Variants in FZD3 observed in about 807,000 individuals in gnomAD.
FZD3 encodes the protein frizzled-3.
A neutral mutation model predicts 60.7 loss-of-function variants in FZD3; 30 were observed. The ratio of observed to expected loss-of-function variants is 0.49; its 90% confidence interval spans 0.37 to 0.67. FZD3 has a LOEUF of 0.67. Ranked by LOEUF, FZD3 falls within the 30% of genes least tolerant of loss-of-function variation. The pLI is 0.00. For synonymous variants in FZD3, 246 were observed against 275.2 expected, an observed-to-expected ratio of 0.89 and a Z score of 1.05; for missense variants, 605 against 838.7, an observed-to-expected ratio of 0.72 and a Z score of 3.44.
At chr8:28,558,415 A>C (rs1418786973) in intron 7 of FZD3, among the ~76,000 whole-genome samples, 1 of 145,340 alleles carries the variant, frequency 6.9e-6, no homozygotes, top group South Asian at 2.2e-4. Flanking sequence ...TCCTTTCTTT[A>C]TTTCTTTCTT....
Position 28,567,392 on chromosome 8 carries a change from ACCTCAG to A in FZD3, c.*4386_*4391del, listed in dbSNP as rs1805723979. 1 of 152,086 alleles carries A rather than the reference ACCTCAG, an allele frequency of 6.6e-6. No homozygotes were observed. The highest frequency in any genetic ancestry group is 1.5e-5 in the Non-Finnish European group (1 of 68,072). The allele number at this position is 152,086 out of a possible 1,614,324, so 9.4% of individuals were successfully genotyped here. A position where few individuals can be genotyped will look rare whatever the true frequency, so the allele number is the denominator to read the frequency against. ...ACTCCTGACCTCAAGTGATCTGCCC[ACCTCAG>A]CCTCCCAAAGTGCTAGGATTACAGG... is the stretch of plus-strand genomic sequence containing the variant. On this transcript the variant is annotated 3_prime_UTR_variant, in exon 8 of 8. Transcript: ENST00000240093.
intron 5 of FZD3, among the ~76,000 whole-genome samples, chr8:28,547,891 C>T (rs1198805504): frequency 6.7e-6 from 1 of 149,632 alleles, no homozygotes; most frequent in East Asian, 2.0e-4. Context: ...CTAGCTCTGT[C>T]ACCCAGGCTG....
chr8:28,547,683 C>T (rs1460590990), intron 5 of FZD3, among the ~76,000 whole-genome samples: 2 of 152,024 alleles, frequency 1.3e-5, no homozygotes, highest in African/African-American at 2.4e-5. Flanking sequence ...TATTTTTCTT[C>T]GGGTCATGGG....
At position 28,573,474 on chromosome 8, in the gene FZD3, G is replaced by A. The variant is rs1351929144; in HGVS notation, c.*10463G>A. The A allele has an allele frequency of 2.0e-5, 3 of 151,724 alleles. No homozygotes were observed. Among genetic ancestry groups the A allele is most frequent in the African/African-American group, 7.3e-5 (3 of 41,268 alleles). The allele number at this position is 151,724 out of a possible 1,614,324, so 9.4% of individuals were successfully genotyped here. On this transcript the variant is annotated 3_prime_UTR_variant, in exon 8 of 8. Transcript: ENST00000240093. ...CCCCCTTTGCCCAAACCCATGTGAT[G>A]TCTGAAACTACTGTATATTTTCAAT...
intron 5 of FZD3, among the ~76,000 whole-genome samples, chr8:28,542,796 G>C (rs1306422251): frequency 6.6e-6 from 1 of 152,086 alleles, no homozygotes; most frequent in Non-Finnish European, 1.5e-5. Flanking sequence ...CCCTTACCCT[G>C]CTCTACAGTG....
chr8:28,503,343 T>C (rs985857448), intron 3 of FZD3, 141 bp downstream of exon 3: 21 of 507,410 alleles, frequency 4.1e-5, no homozygotes, highest in Non-Finnish European at 6.9e-5. Context: ...TAAAAATGTA[T>C]ATGTTTTGCT....
At chr8:28,543,255 T>G (rs1171046703) in intron 5 of FZD3, among the ~76,000 whole-genome samples, 2 of 152,240 alleles carry the variant, frequency 1.3e-5, no homozygotes, top group East Asian at 3.8e-4. Flanking sequence ...GTAAGTCACC[T>G]CTTTACAAAT....
At chr8:28,545,989 A>G (rs1805284827) in intron 5 of FZD3, among the ~76,000 whole-genome samples, 1 of 152,222 alleles carries the variant, frequency 6.6e-6, no homozygotes, top group South Asian at 2.1e-4. Context: ...TTAATATTGT[A>G]ATACAATTGT....
chr8:28,501,233 T>C (rs1803985087), intron 2 of FZD3, among the ~76,000 whole-genome samples: 1 of 152,218 alleles, frequency 6.6e-6, no homozygotes, highest in Admixed American at 6.5e-5. Flanking sequence ...AGACTTTTCT[T>C]TTCCCTTCTG....
rs370581616 is a variant in FZD3 at position 28,544,325 on chromosome 8, T to G, written c.1405-7278T>G. Among the ~76,000 whole-genome samples the G allele has an allele frequency of 9.2e-5, 14 of 152,228 alleles. 1 individual carries two copies. The highest frequency in any genetic ancestry group is 3.1e-4 in the African/African-American group (13 of 41,544). On this transcript the variant is annotated intron_variant, in intron 5 of 7. Coordinates refer to ENST00000240093, the MANE Select transcript of FZD3 (RefSeq NM_017412.4). ...ACATATTGGAAAATGTAAGAAAGGA[T>G]GTGTTTGTGTATGCAGAATATAAGT...
chr8:28,543,424 A>G (rs1350894135), intron 5 of FZD3, among the ~76,000 whole-genome samples: 2 of 151,736 alleles, frequency 1.3e-5, no homozygotes, highest in Admixed American at 1.3e-4. Flanking sequence ...TCTGTCACCC[A>G]TGCTGGAGTG....
intron 5 of FZD3, among the ~76,000 whole-genome samples, chr8:28,546,661 A>AT (rs927991315): frequency 8.5e-5 from 13 of 152,092 alleles, no homozygotes; most frequent in African/African-American, 2.9e-4. Context: ...AAATTCTGGG[A>AT]TTTTTTATTC....
intron 3 of FZD3, among the ~76,000 whole-genome samples, chr8:28,503,991 T>C (rs1402282389): frequency 1.3e-5 from 2 of 152,212 alleles, no homozygotes; most frequent in Non-Finnish European, 2.9e-5. Context: ...CGTTAATTCA[T>C]ATTCTCATAT....
At chr8:28,521,605 C>CT (rs897765137) in intron 4 of FZD3, among the ~76,000 whole-genome samples, 4 of 152,092 alleles carry the variant, frequency 2.6e-5, no homozygotes, top group Non-Finnish European at 5.9e-5. Flanking sequence ...TTATTATCTT[C>CT]TTTCCCCCCA....
chr8:28,562,580 G>A (rs1805632534), intron 7 of FZD3, among the ~76,000 whole-genome samples: 1 of 152,106 alleles, frequency 6.6e-6, no homozygotes, highest in Admixed American at 6.5e-5. Flanking sequence ...TGCAGAGAAT[G>A]GAACCTTAAT....
chr8:28,562,464 C>T (rs1055573527), intron 7 of FZD3, among the ~76,000 whole-genome samples: 5 of 152,150 alleles, frequency 3.3e-5, no homozygotes, highest in Non-Finnish European at 7.4e-5. Flanking sequence ...GTTGTTACCC[C>T]TCTCCCTGAA....
At chr8:28,557,393 A>C (rs528692696) in intron 7 of FZD3, among the ~76,000 whole-genome samples, 1 of 151,708 alleles carries the variant, frequency 6.6e-6, no homozygotes. Context: ...ACTTGAAAAC[A>C]TCTGTTTCCA....
chr8:28,533,706 G>GT (rs1307232631), intron 5 of FZD3, among the ~76,000 whole-genome samples: 3 of 152,076 alleles, frequency 2.0e-5, no homozygotes, highest in Admixed American at 6.6e-5. Flanking sequence ...GGAAAGGGAT[G>GT]TTTTTTACCC....
At chr8:28,515,784 G>T (rs1256604792) in intron 3 of FZD3, among the ~76,000 whole-genome samples, 2 of 152,110 alleles carry the variant, frequency 1.3e-5, no homozygotes, top group Non-Finnish European at 2.9e-5. Context: ...CCTTTCCCTG[G>T]CATCAGCTGA....
Sources: gnomAD v4.1 joint callset for allele counts (sites outside exome capture counted in the v4.1 genomes callset) on GRCh38, gnomAD v4.1.1 for gene constraint, MANE v1.5 for transcripts, NCBI Gene and HGNC (gene_info 2026-07-23, HGNC 2026-07-21) for gene names.